BAG2: variants seen among roughly 807,000 people sequenced by gnomAD.
BAG2 encodes the protein BAG cochaperone 2.
BAG2 carries 8 observed loss-of-function variants against 16.4 expected under a neutral mutation model. The ratio of observed to expected loss-of-function variants is 0.49; its 90% CI spans 0.29 to 0.88. The LOEUF (loss-of-function observed/expected upper bound fraction) is 0.88, where lower values mean the gene tolerates loss of function less well. Among genes scored for constraint, BAG2 ranks in the 40% least tolerant of loss-of-function variants. The pLI is 0.09. For missense variants in BAG2, 218 were observed against 248.9 expected (o/e 0.88, Z 0.84); for synonymous variants, 82 against 89.2 (o/e 0.92, Z 0.46).
intron 2 of BAG2, among the ~76,000 whole-genome samples, chr6:57,182,523 TAG>T (rs781554434): frequency 1.1e-5 from 1 of 94,288 alleles, no homozygotes; most frequent in Non-Finnish European, 2.0e-5. Context: ...AGCAGAGAAG[TAG>T]AGACCAAAAA....
Position 57,172,632 on chromosome 6 carries a change from G to T in BAG2, c.-66G>T. ...GTGACGGCGACGCCTGCAGCCCAAG[G>T]AGCGCTCCACTCGCTGCCGCCGGAG... On this transcript the variant is annotated 5_prime_UTR_variant, in exon 1 of 3. Coordinates refer to ENST00000370693, the MANE Select transcript of BAG2 (RefSeq NM_004282.4). 1 of 1,337,008 alleles carries T rather than the reference G, an allele frequency of 7.5e-7. No homozygotes were observed. The highest frequency in any genetic ancestry group is 1.6e-5 in the South Asian group (1 of 63,700). 82.8% of individuals were successfully genotyped at this position (1,337,008 alleles called of 1,614,324 possible). A position where few individuals can be genotyped will look rare whatever the true frequency, so the allele number is the denominator to read the frequency against.
rs544614772 is a variant in BAG2 at position 57,188,067 on chromosome 6, G to A, written c.*3877G>A. On this transcript the variant is annotated 3_prime_UTR_variant, in exon 3 of 3. Transcript: ENST00000370693. The stretch of plus-strand genomic sequence containing the variant: ...GATATGTCTACGCAAAAGATTAGCC[G>A]TAATGTTAAAAAAGTAGATTAGAGC... 10 of 152,230 alleles carry A rather than the reference G, an allele frequency of 6.6e-5. No homozygotes were observed. The highest frequency in any genetic ancestry group is 2.0e-4 in the Admixed American group (3 of 15,292). 9.4% of individuals were successfully genotyped at this position (152,230 alleles called of 1,614,324 possible). A position where few individuals can be genotyped will look rare whatever the true frequency, so the allele number is the denominator to read the frequency against.
At chr6:57,181,554 A>G (rs1319591756) in intron 1 of BAG2, among the ~76,000 whole-genome samples, 1 of 152,048 alleles carries the variant, frequency 6.6e-6, no homozygotes, top group Non-Finnish European at 1.5e-5. Context: ...AACATGGTGA[A>G]ACCCCGTCTC....
chr6:57,184,263 A>G lies in BAG2; in HGVS notation c.*73A>G. ...TAAAATACTATTTTAATTGATAACTAGTTCTTTGTTAGGTATAACCACTTA... is the reference window on the plus strand; with the variant it reads ...TAAAATACTATTTTAATTGATAACTGGTTCTTTGTTAGGTATAACCACTTA... On this transcript the variant is annotated 3_prime_UTR_variant, in exon 3 of 3. Transcript: ENST00000370693. The G allele has an allele frequency of 1.4e-5, 19 of 1,340,856 alleles. No individual in the cohort carries two copies. Among genetic ancestry groups the G allele is most frequent in the Non-Finnish European group, 1.7e-5 (18 of 1,035,686 alleles). 83.1% of individuals were successfully genotyped at this position (1,340,856 alleles called of 1,614,324 possible).
At position 57,173,889 on chromosome 6, in the gene BAG2, T is replaced by G. The variant is rs187783893; in HGVS notation, c.113+1079T>G. The G allele has an allele frequency of 4.3e-3, 663 of 155,246 alleles. 4 individuals carry two copies. The highest frequency in any genetic ancestry group is 5.6e-3 in the South Asian group (28 of 5,018). 9.6% of individuals were successfully genotyped at this position (155,246 alleles called of 1,614,324 possible). On this transcript the variant is annotated intron_variant, in intron 1 of 2. Transcript: ENST00000370693. ...AATACACCCAAACATGAAGTATCTG[T>G]TTGCTGAGAAAATACTTCAATAACC...
rs1074170 is a variant in BAG2, at chr6:57,178,663, A to C, written c.114-3369A>C. On this transcript the variant is annotated intron_variant, in intron 1 of 2. Coordinates refer to ENST00000370693, the MANE Select transcript of BAG2 (RefSeq NM_004282.4). ...TTGAAGAATGACATTTTACCCTTGC[A>C]TGAAATGAAAAAGGTATACATAAAA... Among the ~76,000 whole-genome samples the C allele has an allele frequency of 6.9e-3, 1,053 of 152,320 alleles. 11 individuals are homozygous for C. The highest frequency in any genetic ancestry group is 0.017 in the Middle Eastern group (5 of 294).
chr6:57,184,032 A>AT lies in BAG2; in HGVS notation c.480dup (p.Gly161TrpfsTer5). On this transcript the variant is annotated frameshift_variant, in exon 3 of 3. Coordinates refer to ENST00000370693, the MANE Select transcript of BAG2 (RefSeq NM_004282.4). LOFTEE classifies it high-confidence loss of function. The stretch of plus-strand genomic sequence containing the variant: ...TGATCAGAAGTTTCAATCCATAGTA[A>AT]TTGGCTGTGCTCTTGAAGATCAGAA... The AT allele has an allele frequency of 2.5e-6, 4 of 1,613,204 alleles. No individual in the cohort carries two copies. Among genetic ancestry groups the AT allele is most frequent in the Non-Finnish European group, 3.4e-6 (4 of 1,179,824 alleles).
intron 1 of BAG2, chr6:57,174,464 TCTA>T: frequency 8.6e-7 from 1 of 1,167,112 alleles, no homozygotes; most frequent in Non-Finnish European, 1.1e-6. Flanking sequence ...ATTATTATAT[TCTA>T]CTGTTTGATT....
chr6:57,174,452 A>T (rs1166605399), intron 1 of BAG2: 1 of 1,214,826 alleles, frequency 8.2e-7, no homozygotes, highest in East Asian at 5.7e-5. Flanking sequence ...CAGGTTTTGA[A>T]TATTATTATA....
At chr6:57,182,263 G>T in intron 2 of BAG2, 122 bp downstream of exon 2, 1 of 638,976 alleles carries the variant, frequency 1.6e-6, no homozygotes. Context: ...CATTTAATGT[G>T]AGCCACAGAG....
chr6:57,185,509 A>G lies in BAG2; in HGVS notation c.*1319A>G, dbSNP rs947045878. On this transcript the variant is annotated 3_prime_UTR_variant, in exon 3 of 3. Coordinates refer to ENST00000370693, the MANE Select transcript of BAG2 (RefSeq NM_004282.4). ...TATCTCTCAATGCAAGCAATATCAAACTTCATTTTCTCTACAAAAATGCCA... is the reference window on the plus strand; with the variant it reads ...TATCTCTCAATGCAAGCAATATCAAGCTTCATTTTCTCTACAAAAATGCCA... 1 of 152,248 alleles carries G rather than the reference A, an allele frequency of 6.6e-6. No individual in the cohort carries two copies. The highest frequency in any genetic ancestry group is 2.4e-5 in the African/African-American group (1 of 41,474). 9.4% of individuals were successfully genotyped at this position (152,248 alleles called of 1,614,324 possible).
At position 57,172,793 on chromosome 6, in the gene BAG2, G is replaced by C. The variant is rs1764160323; in HGVS notation, c.96G>C (p.Leu32=). Residue 32 remains leucine (L), a synonymous_variant, in exon 1 of 3, where the codon CTG becomes CTC. Transcript: ENST00000370693. The part of the protein sequence containing the change: ...ADRSSRLLES[L]DQLELRVEAL... ...GCTCCAGCCGCCTGCTGGAGAGCCT[G>C]GACCAGCTGGAGCTCAGGTGAGCTC... The C allele has an allele frequency of 1.9e-6, 3 of 1,561,640 alleles. No homozygotes were observed. Among genetic ancestry groups the C allele is most frequent in the Non-Finnish European group, 2.6e-6 (3 of 1,156,786 alleles).
Position 57,189,207 on chromosome 6 carries a change from A to AT in BAG2, c.*5019dup, listed in dbSNP as rs1375310875. 1 of 152,220 alleles carries AT rather than the reference A, an allele frequency of 6.6e-6. No homozygotes were observed. Among genetic ancestry groups the AT allele is most frequent in the African/African-American group, 2.4e-5 (1 of 41,450 alleles). The allele number at this position is 152,220 out of a possible 1,614,324, so 9.4% of individuals were successfully genotyped here. On this transcript the variant is annotated 3_prime_UTR_variant, in exon 3 of 3. Coordinates refer to ENST00000370693, the MANE Select transcript of BAG2 (RefSeq NM_004282.4). The stretch of plus-strand genomic sequence containing the variant: ...ATTAAATCATTTTGTAAAAGAAATG[A>AT]TTCTGTATGTGGGACTGACAGCTCT...
chr6:57,173,329 A>G, intron 1 of BAG2: 1 of 985,460 alleles, frequency 1.0e-6, no homozygotes, highest in Non-Finnish European at 1.2e-6. Flanking sequence ...CCAGCAATCC[A>G]TTGAGAGCAA....
intron 1 of BAG2, 129 bp downstream of exon 1, chr6:57,172,939 G>A (rs1764167642): frequency 4.7e-6 from 4 of 843,608 alleles, no homozygotes; most frequent in Non-Finnish European, 6.8e-6. Context: ...AACCGAAGTT[G>A]CTTGTTGAGA....
Position 57,172,536 on chromosome 6 carries a change from G to T in BAG2, c.-162G>T. ...GCGCCTGCCCTTCTTTGGCTACGCTGCAGCCGCGGTGTCGGCGAGTCCTCC... is the reference window on the plus strand; with the variant it reads ...GCGCCTGCCCTTCTTTGGCTACGCTTCAGCCGCGGTGTCGGCGAGTCCTCC... On this transcript the variant is annotated 5_prime_UTR_variant, in exon 1 of 3. Coordinates refer to ENST00000370693, the MANE Select transcript of BAG2 (RefSeq NM_004282.4). 1.9e-6 allele frequency: 1 copy of T among 523,094 alleles called. No homozygotes were observed. The highest frequency in any genetic ancestry group is 3.8e-5 in the South Asian group (1 of 26,142). The allele number at this position is 523,094 out of a possible 1,614,324, so 32.4% of individuals were successfully genotyped here.
At chr6:57,180,782 A>T (rs1044737412) in intron 1 of BAG2, among the ~76,000 whole-genome samples, 1 of 152,156 alleles carries the variant, frequency 6.6e-6, no homozygotes, top group Non-Finnish European at 1.5e-5. Flanking sequence ...AAAAAAAAAA[A>T]AATTGATCGC....
In BAG2 at chr6:57,184,773, T is replaced by G. The variant is rs1764575526; in HGVS notation, c.*583T>G. Reference sequence around the variant, plus strand: ...TTTTTTGATATACAAGAAACTGACATAAAATGTGAGAAAACCACCTATAAT... The same window carrying G: ...TTTTTTGATATACAAGAAACTGACAGAAAATGTGAGAAAACCACCTATAAT... On this transcript the variant is annotated 3_prime_UTR_variant, in exon 3 of 3. Coordinates refer to ENST00000370693, the MANE Select transcript of BAG2 (RefSeq NM_004282.4). 1 of 152,630 alleles carries G rather than the reference T, an allele frequency of 6.6e-6. No homozygotes were observed. The highest frequency in any genetic ancestry group is 1.5e-5 in the Non-Finnish European group (1 of 68,020). 9.5% of individuals were successfully genotyped at this position (152,630 alleles called of 1,614,324 possible).
chr6:57,185,423 T>C lies in BAG2; in HGVS notation c.*1233T>C, dbSNP rs374748332. 1 of 152,228 alleles carries C rather than the reference T, an allele frequency of 6.6e-6. No homozygotes were observed. The highest frequency in any genetic ancestry group is 1.5e-5 in the Non-Finnish European group (1 of 68,034). 9.4% of individuals were successfully genotyped at this position (152,228 alleles called of 1,614,324 possible). The stretch of plus-strand genomic sequence containing the variant: ...ATGAACACATCAATTTTTATTTGAA[T>C]GTAGGTATTCTTCACACTGAAAAAC... On this transcript the variant is annotated 3_prime_UTR_variant, in exon 3 of 3. Transcript: ENST00000370693.
Sources: allele counts gnomAD v4.1 joint callset (sites outside exome capture counted in the v4.1 genomes callset), GRCh38; gene constraint gnomAD v4.1.1; transcripts MANE v1.5; gene names NCBI Gene and HGNC (gene_info 2026-07-23, HGNC 2026-07-21).